The following FHIT variants were observed in gnomAD, a reference collection of about 807,000 sequenced individuals.
The protein encoded by FHIT is fragile histidine triad diadenosine triphosphatase.
FHIT carries 19 observed loss-of-function variants against 17.9 expected under a neutral mutation model. The observed-to-expected ratio is 1.06, with a 90% CI of 0.74 to 1.56. FHIT has a LOEUF of 1.56. Ranked by LOEUF, FHIT falls within the 40% of genes most tolerant of loss-of-function variation. The pLI is 0.00. For synonymous variants in FHIT, 81 were observed against 69.7 expected (o/e 1.16, Z -0.81); for missense variants, 248 against 189.2 (o/e 1.31, Z -1.82).
At chr3:59,979,349 C>T (rs1708549777) in intron 7 of FHIT, among the ~76,000 whole-genome samples, 2 of 152,250 alleles carry the variant, frequency 1.3e-5, no homozygotes, top group Middle Eastern at 3.4e-3. Context: ...CTCAGCATTG[C>T]CCTCATTGCT....
At chr3:60,712,252 G>T (rs1434688767) in intron 4 of FHIT, among the ~76,000 whole-genome samples, 1 of 152,142 alleles carries the variant, frequency 6.6e-6, no homozygotes, top group African/African-American at 2.4e-5. Context: ...CCACCAGGCT[G>T]CCCTAAAAGA....
At chr3:60,687,043 C>T (rs2040876003) in intron 4 of FHIT, among the ~76,000 whole-genome samples, 1 of 152,188 alleles carries the variant, frequency 6.6e-6, no homozygotes, top group Non-Finnish European at 1.5e-5. Context: ...TTACAAAAAT[C>T]ACAAGCACTC....
intron 4 of FHIT, among the ~76,000 whole-genome samples, chr3:60,659,611 G>T (rs780364077): frequency 1.3e-5 from 2 of 151,900 alleles, no homozygotes; most frequent in African/African-American, 4.8e-5. Context: ...AAAATTTCTC[G>T]TTCTATTTTT....
chr3:61,006,589 G>A (rs1425240325), intron 3 of FHIT, among the ~76,000 whole-genome samples: 1 of 135,670 alleles, frequency 7.4e-6, no homozygotes, highest in East Asian at 2.3e-4. Context: ...GTCCCCCACT[G>A]ATTTGGAAAA....
chr3:60,434,215 T>A (rs527537898), intron 5 of FHIT, among the ~76,000 whole-genome samples: 2 of 152,242 alleles, frequency 1.3e-5, no homozygotes, highest in East Asian at 1.9e-4. Flanking sequence ...CCTTTGGGAA[T>A]CTTTTGCAGT....
At chr3:60,447,756 A>T (rs2031443279) in intron 5 of FHIT, among the ~76,000 whole-genome samples, 2 of 152,172 alleles carry the variant, frequency 1.3e-5, no homozygotes, top group Admixed American at 6.6e-5. Context: ...GCTGCCAGTA[A>T]TAATTCACCC....
At chr3:59,852,143 C>T (rs1701966601) in intron 8 of FHIT, among the ~76,000 whole-genome samples, 2 of 152,314 alleles carry the variant, frequency 1.3e-5, no homozygotes, top group South Asian at 4.1e-4. Context: ...CACCCAGCCA[C>T]ATTCCATCTC....
At chr3:60,124,018 A>AGG (rs1705408808) in intron 5 of FHIT, among the ~76,000 whole-genome samples, 2 of 70,934 alleles carry the variant, frequency 2.8e-5, no homozygotes, top group Non-Finnish European at 5.9e-5. Flanking sequence ...ATAGAGAGAG[A>AGG]GAGAGAGAGA....
At chr3:60,277,908 A>G (rs113364027) in intron 5 of FHIT, among the ~76,000 whole-genome samples, 55 of 152,272 alleles carry the variant, frequency 3.6e-4, no homozygotes, top group South Asian at 1.4e-3. Flanking sequence ...AACAAGAAAA[A>G]TATTTACGAC....
chr3:60,176,849 G>T (rs375961537), intron 5 of FHIT, among the ~76,000 whole-genome samples: 2 of 152,142 alleles, frequency 1.3e-5, no homozygotes, highest in Admixed American at 1.3e-4. Context: ...CATAAAATCC[G>T]TTGCTTGGAA....
chr3:59,763,291 A>G, intron 8 of FHIT, among the ~76,000 whole-genome samples: 1 of 152,242 alleles, frequency 6.6e-6, no homozygotes, highest in Non-Finnish European at 1.5e-5. Context: ...AGGAGAAAGA[A>G]AAATCTGCAC....
intron 4 of FHIT, among the ~76,000 whole-genome samples, chr3:60,792,833 C>CTTTTT (rs34640191): frequency 6.9e-6 from 1 of 144,152 alleles, no homozygotes. Context: ...AAAACAATTT[C>CTTTTT]TTTTTTTTTT....
intron 3 of FHIT, among the ~76,000 whole-genome samples, chr3:60,904,480 C>CAAAAAAAAAAA (rs36117889): frequency 7.3e-6 from 1 of 136,420 alleles, no homozygotes; most frequent in African/African-American, 2.8e-5. Flanking sequence ...AATCCAAATG[C>CAAAAAAAAAAA]AAAAAAAAAA....
chr3:61,211,140 C>G (rs953755681), intron 1 of FHIT, among the ~76,000 whole-genome samples: 4 of 151,770 alleles, frequency 2.6e-5, no homozygotes, highest in African/African-American at 9.7e-5. Flanking sequence ...TAGGGAGTGC[C>G]AGACAGTGGG....
At chr3:60,021,948 T>C (rs1277386266) in intron 5 of FHIT, among the ~76,000 whole-genome samples, 2 of 152,188 alleles carry the variant, frequency 1.3e-5, no homozygotes, top group Non-Finnish European at 2.9e-5. Context: ...TGAAGTAAAA[T>C]AGCTCTCTTT....
At chr3:60,921,529 T>C (rs551794126) in intron 3 of FHIT, among the ~76,000 whole-genome samples, 10 of 152,346 alleles carry the variant, frequency 6.6e-5, no homozygotes, top group Admixed American at 2.6e-4. Context: ...ATAAATGAAC[T>C]ACATGTAAAT....
intron 5 of FHIT, among the ~76,000 whole-genome samples, chr3:60,275,253 T>A (rs1707072567): frequency 6.6e-6 from 1 of 151,002 alleles, no homozygotes; most frequent in African/African-American, 2.4e-5. Context: ...AAACTATGAA[T>A]CAACTAACTT....
intron 3 of FHIT, among the ~76,000 whole-genome samples, chr3:60,837,363 CTT>C (rs1553744032): frequency 6.6e-6 from 1 of 152,124 alleles, no homozygotes; most frequent in Non-Finnish European, 1.5e-5. Flanking sequence ...TGTCTTTTCT[CTT>C]TTCTTTGTCA....
intron 5 of FHIT, among the ~76,000 whole-genome samples, chr3:60,038,415 G>C (rs1241203889): frequency 6.6e-6 from 1 of 152,102 alleles, no homozygotes; most frequent in East Asian, 1.9e-4. Flanking sequence ...CCTACCTCAA[G>C]TCTAAATATT....
Sources: allele counts gnomAD v4.1 joint callset (sites outside exome capture counted in the v4.1 genomes callset), GRCh38; gene constraint gnomAD v4.1.1; transcripts MANE v1.5; gene names NCBI Gene and HGNC (gene_info 2026-07-23, HGNC 2026-07-21).